Variants in ZNF695 observed in about 807,000 individuals in gnomAD.
The protein encoded by ZNF695 is zinc finger protein SBZF3.
ZNF695 carries 11 observed loss-of-function variants against 11.2 expected under a neutral mutation model. The observed-to-expected ratio is 0.98, with a 90% confidence interval of 0.62 to 1.62. The LOEUF is 1.62. ZNF695 is among the 40% of genes most tolerant of loss of function. The pLI, the probability that ZNF695 is intolerant of heterozygous loss-of-function variation, is 0.00. For synonymous variants in ZNF695, 190 were observed against 201.4 expected (o/e 0.94, Z 0.48); for missense variants, 559 against 590.5 (o/e 0.95, Z 0.55).
intron 4 of ZNF695, among the ~76,000 whole-genome samples, chr1:246,976,888 T>C (rs1668582213): frequency 6.6e-6 from 1 of 152,234 alleles, no homozygotes; most frequent in Non-Finnish European, 1.5e-5. Flanking sequence ...TGAAAATTTA[T>C]TTGCCTCTAT....
intron 5 of ZNF695, among the ~76,000 whole-genome samples, chr1:246,966,025 G>A (rs1339775984): frequency 6.6e-6 from 1 of 151,880 alleles, no homozygotes; most frequent in Admixed American, 6.6e-5. Flanking sequence ...GGACATTTGA[G>A]CAAAGACTTG....
At chr1:246,989,500 G>C (rs12048616) in intron 3 of ZNF695, among the ~76,000 whole-genome samples, 91,057 of 151,858 alleles carry the variant, frequency 0.6, 29,375 homozygotes, top group East Asian at 0.98. Flanking sequence ...ATGAAAATCA[G>C]GAAACTAAAT....
In ZNF695 at chr1:246,986,626, T is replaced by G. The variant is rs1000925899; in HGVS notation, c.*341A>C. The G allele has an allele frequency of 4.9e-6, 5 of 1,020,754 alleles. No homozygotes were observed. In the South Asian group the frequency reaches 2.3e-4, roughly 46 times the overall value. The allele number at this position is 1,020,754 out of a possible 1,614,324, so 63.2% of individuals were successfully genotyped here. A position where few individuals can be genotyped will look rare whatever the true frequency, so the allele number is the denominator to read the frequency against. ...ACTCTGGTGTTTTCTGAGGTATATT[T>G]TTTGAACAAATGTTGTTTCTGCATT... is the stretch of plus-strand genomic sequence containing the variant. On this transcript the variant is annotated 3_prime_UTR_variant, in exon 4 of 4. Coordinates refer to ENST00000339986, the MANE Select transcript of ZNF695 (RefSeq NM_020394.5).
At chr1:246,968,180 C>G (rs1348411758) in intron 4 of ZNF695, 1 of 152,344 alleles carries the variant, frequency 6.6e-6, no homozygotes, top group Non-Finnish European at 1.5e-5. Flanking sequence ...AAGTTAGTTA[C>G]ATCTAGGATA....
At chr1:246,968,817 A>C (rs1668352776) in intron 4 of ZNF695, 1 of 152,542 alleles carries the variant, frequency 6.6e-6, no homozygotes, top group African/African-American at 2.4e-5. Context: ...GCAACCTGAA[A>C]CATATCTGGA....
chr1:246,966,918 CAT>C, intron 5 of ZNF695: 1 of 442,748 alleles, frequency 2.3e-6, no homozygotes, highest in Non-Finnish European at 4.5e-6. Context: ...TTAAATAAAT[CAT>C]ATTAAATGTT....
chr1:246,978,461 G>GCAT (rs1668623033), intron 4 of ZNF695, among the ~76,000 whole-genome samples: 2 of 152,232 alleles, frequency 1.3e-5, no homozygotes, highest in Non-Finnish European at 2.9e-5. Context: ...GCTTTAATTT[G>GCAT]CATGATGATG....
chr1:246,971,996 A>T (rs1668440409), intron 4 of ZNF695, among the ~76,000 whole-genome samples: 2 of 152,186 alleles, frequency 1.3e-5, no homozygotes, highest in Admixed American at 1.3e-4. Flanking sequence ...GGGGCCTCCC[A>T]AAGTGCTGGG....
At chr1:246,993,058 C>A (rs887514628) in intron 3 of ZNF695, among the ~76,000 whole-genome samples, 1 of 152,128 alleles carries the variant, frequency 6.6e-6, no homozygotes, top group African/African-American at 2.4e-5. Context: ...GAGAGATGGG[C>A]AACAGATATA....
chr1:246,974,881 A>G (rs916861780), intron 4 of ZNF695, among the ~76,000 whole-genome samples: 1 of 152,112 alleles, frequency 6.6e-6, no homozygotes, highest in African/African-American at 2.4e-5. Flanking sequence ...TTTCGGGAAC[A>G]TGGCCAGCTT....
At chr1:246,963,440 AAAAT>A (rs1668212228) in intron 5 of ZNF695, among the ~76,000 whole-genome samples, 1 of 152,206 alleles carries the variant, frequency 6.6e-6, no homozygotes, top group African/African-American at 2.4e-5. Context: ...AATAAAAAGA[AAAAT>A]AAAAAACAGG....
chr1:247,004,098 G>A (rs1022006154), intron 1 of ZNF695, among the ~76,000 whole-genome samples: 2 of 152,174 alleles, frequency 1.3e-5, no homozygotes, highest in African/African-American at 4.8e-5. Context: ...TGTAATCCCA[G>A]CTACTCGGGA....
intron 4 of ZNF695, among the ~76,000 whole-genome samples, chr1:246,980,175 A>AT (rs1207237097): frequency 1.9e-5 from 2 of 106,868 alleles, no homozygotes; most frequent in African/African-American, 4.4e-5. Context: ...TGGACTCTGT[A>AT]TTTAAAAAAA....
intron 3 of ZNF695, among the ~76,000 whole-genome samples, chr1:246,995,710 G>A (rs112081878): frequency 7.0e-4 from 105 of 150,972 alleles, no homozygotes; most frequent in South Asian, 1.3e-3. Context: ...AGCTACTCAG[G>A]AGGCTGAGGC....
At chr1:246,993,277 C>T (rs925365422) in intron 3 of ZNF695, among the ~76,000 whole-genome samples, 6 of 151,988 alleles carry the variant, frequency 3.9e-5, no homozygotes, top group Admixed American at 6.6e-5. Context: ...CATAGTGGCA[C>T]GTGGCTATAA....
At chr1:246,966,358 G>C (rs949689264) in intron 5 of ZNF695, among the ~76,000 whole-genome samples, 3 of 152,172 alleles carry the variant, frequency 2.0e-5, no homozygotes, top group African/African-American at 7.2e-5. Context: ...GCAGGTACCT[G>C]TAATCCCAGC....
exon 5 of ZNF695, chr1:246,967,744 T>C (rs1329653036): frequency 5.0e-6 from 2 of 400,528 alleles, no homozygotes; most frequent in African/African-American, 2.1e-5. Flanking sequence ...CTCAGGAAAC[T>C]TAGAATCATG....
chr1:246,973,919 G>T lies in ZNF695; in HGVS notation c.391-6127C>A, dbSNP rs117544008. On this transcript the variant is annotated intron_variant, in intron 4 of 5. Coordinates refer to the ZNF695 transcript ENST00000487338. Reference sequence around the variant, plus strand: ...TTTTATTACCCTATTATGTGTGAATGTCAGTGCCTTTCATGGCCTCAGTAT... The same window carrying T: ...TTTTATTACCCTATTATGTGTGAATTTCAGTGCCTTTCATGGCCTCAGTAT... 1.4e-3 allele frequency among the ~76,000 whole-genome samples: 210 copies of T among 152,306 alleles called. 1 individual carries two copies. The East Asian group carries it at 0.035, about 25-fold the overall frequency.
chr1:247,000,154 A>G, intron 1 of ZNF695, 80 bp from the exon 2 acceptor site: 3 of 1,227,168 alleles, frequency 2.4e-6, no homozygotes, highest in Non-Finnish European at 3.4e-6. Flanking sequence ...CAGTGAAGAG[A>G]ACTGGCTCTG....
Sources: allele counts gnomAD v4.1 joint callset (sites outside exome capture counted in the v4.1 genomes callset), GRCh38; gene constraint gnomAD v4.1.1; transcripts MANE v1.5; gene names NCBI Gene and HGNC (gene_info 2026-07-23, HGNC 2026-07-21).